The following IL1RAPL2 variants were observed in gnomAD, a reference collection of about 807,000 sequenced individuals.
IL1RAPL2 encodes interleukin 1 receptor accessory protein like 2.
IL1RAPL2 carries 3 observed loss-of-function variants against 44.1 expected under a neutral mutation model. The observed-to-expected ratio is 0.07, with a 90% CI of 0.03 to 0.18. The LOEUF (loss-of-function observed/expected upper bound fraction) is 0.18, where lower values mean the gene tolerates loss of function less well. Among genes scored for constraint, IL1RAPL2 ranks in the 10% least tolerant of loss-of-function variants. IL1RAPL2 has a pLI of 1.00. For synonymous variants in IL1RAPL2, 181 were observed against 178.8 expected, an observed-to-expected ratio of 1.01 and a Z score of -0.10; for missense variants, 391 against 496.4, an observed-to-expected ratio of 0.79 and a Z score of 2.02.
chrX:105,321,123 A>T (rs60226923), intron 5 of IL1RAPL2, among the ~76,000 whole-genome samples: 6,824 of 111,267 alleles, frequency 0.061, 507 homozygotes, highest in African/African-American at 0.21. Flanking sequence ...GAGTGTTGGA[A>T]CACTGAGATG....
chrX:104,977,540 C>T (rs192703821), intron 2 of IL1RAPL2, among the ~76,000 whole-genome samples: 96 of 111,980 alleles, frequency 8.6e-4, no homozygotes, highest in African/African-American at 3.0e-3. Context: ...CTTACCTCTC[C>T]ACCAATTTCC....
intron 2 of IL1RAPL2, among the ~76,000 whole-genome samples, chrX:104,939,849 G>A (rs12556235): frequency 0.065 from 7,268 of 111,436 alleles, 208 homozygotes; most frequent in South Asian, 0.11. Flanking sequence ...AACCTACACC[G>A]TATATTATCT....
At chrX:105,699,472 G>T (rs999051983) in intron 6 of IL1RAPL2, among the ~76,000 whole-genome samples, 5 of 111,823 alleles carry the variant, frequency 4.5e-5, no homozygotes, top group African/African-American at 1.6e-4. Context: ...TTATAACAAG[G>T]TATATAGATA....
chrX:105,272,502 C>T (rs971595762), intron 5 of IL1RAPL2, among the ~76,000 whole-genome samples: 2 of 111,948 alleles, frequency 1.8e-5, no homozygotes, highest in African/African-American at 6.5e-5. Flanking sequence ...CAAACAACAC[C>T]TCTCCTCCTG....
Position 105,639,484 on chromosome X carries a change from G to T in IL1RAPL2, c.773-77883G>T, listed in dbSNP as rs73529078. On this transcript the variant is annotated intron_variant, in intron 6 of 10. Transcript: ENST00000372582. Reference sequence around the variant, plus strand: ...GATACTGAAAAGAAATTCTAAAAGGGTAAGTAATAGATGATCTAGTACACA... The same window carrying T: ...GATACTGAAAAGAAATTCTAAAAGGTTAAGTAATAGATGATCTAGTACACA... Among the ~76,000 whole-genome samples, 665 of 111,095 alleles carry T rather than the reference G, an allele frequency of 6.0e-3. 8 individuals are homozygous for T. The highest frequency in any genetic ancestry group is 0.021 in the African/African-American group (638 of 30,608).
intron 9 of IL1RAPL2, 139 bp downstream of exon 9, chrX:105,749,242 G>C (rs1252491068): frequency 4.2e-6 from 2 of 479,671 alleles, no homozygotes; most frequent in Admixed American, 8.9e-5. Flanking sequence ...CCTTTAAATA[G>C]TTTAGAAGAC....
At chrX:105,011,447 A>C (rs1046289458) in intron 2 of IL1RAPL2, among the ~76,000 whole-genome samples, 1 of 111,278 alleles carries the variant, frequency 9.0e-6, no homozygotes, top group Non-Finnish European at 1.9e-5. Flanking sequence ...AAATTTGCCA[A>C]GTTTTTCAAC....
At chrX:105,037,886 C>A (rs1465385566) in intron 2 of IL1RAPL2, among the ~76,000 whole-genome samples, 4 of 111,600 alleles carry the variant, frequency 3.6e-5, no homozygotes, top group Non-Finnish European at 3.8e-5. Context: ...CTCTAACTGA[C>A]TTTTGAACAC....
rs771292985 is a variant in IL1RAPL2 at position 105,427,931 on chromosome X, G to A, written c.698-56382G>A. Among the ~76,000 whole-genome samples the A allele has an allele frequency of 9.4e-4, 105 of 111,296 alleles. 1 individual carries two copies. Among genetic ancestry groups the A allele is most frequent in the African/African-American group, 1.4e-3 (43 of 30,766 alleles). On this transcript the variant is annotated intron_variant, in intron 5 of 10. Transcript: ENST00000372582. The stretch of plus-strand genomic sequence containing the variant: ...AGATGTTGGAGGTTTGAAATATTCC[G>A]AAAAGGATTCTAATTTAAAATATTG...
chrX:105,197,774 T>A (rs2033683982), intron 3 of IL1RAPL2, among the ~76,000 whole-genome samples: 1 of 111,404 alleles, frequency 9.0e-6, no homozygotes, highest in African/African-American at 3.3e-5. Flanking sequence ...TTTTTACTTT[T>A]ATTTTAGGCT....
At chrX:105,319,393 C>T in intron 5 of IL1RAPL2, among the ~76,000 whole-genome samples, 1 of 111,597 alleles carries the variant, frequency 9.0e-6, no homozygotes, top group Middle Eastern at 4.6e-3. Context: ...CCAAATTGTG[C>T]CTGGTATGAA....
chrX:105,735,849 G>A (rs766898702), intron 7 of IL1RAPL2, among the ~76,000 whole-genome samples: 1 of 111,252 alleles, frequency 9.0e-6, no homozygotes, highest in Non-Finnish European at 1.9e-5. Context: ...ATCATTTATG[G>A]ATTGTTATAC....
chrX:104,650,632 C>T (rs1382761851), intron 1 of IL1RAPL2, among the ~76,000 whole-genome samples: 1 of 111,289 alleles, frequency 9.0e-6, no homozygotes, highest in Non-Finnish European at 1.9e-5. Context: ...ACCTACTGAA[C>T]ATGCTAAAAA....
chrX:104,948,024 C>T (rs1232360201), intron 2 of IL1RAPL2, among the ~76,000 whole-genome samples: 2 of 110,959 alleles, frequency 1.8e-5, no homozygotes, highest in East Asian at 2.8e-4. Flanking sequence ...GCAATTTTCA[C>T]AATATTGATT....
chrX:105,278,164 G>T (rs1197721563), intron 5 of IL1RAPL2, among the ~76,000 whole-genome samples: 2 of 111,841 alleles, frequency 1.8e-5, no homozygotes, highest in Non-Finnish European at 3.8e-5. Flanking sequence ...GGCTTATTTT[G>T]CAAGCAACTG....
At chrX:105,026,129 C>T (rs1427894938) in intron 2 of IL1RAPL2, among the ~76,000 whole-genome samples, 2 of 110,649 alleles carry the variant, frequency 1.8e-5, no homozygotes, top group African/African-American at 3.3e-5. Context: ...AACTGAAGCC[C>T]GATAGTCAAT....
At chrX:104,987,288 A>G (rs1451139726) in intron 2 of IL1RAPL2, among the ~76,000 whole-genome samples, 1 of 111,309 alleles carries the variant, frequency 9.0e-6, no homozygotes, top group African/African-American at 3.3e-5. Context: ...AAGGGAGAGC[A>G]AAGCTTTATT....
intron 1 of IL1RAPL2, chrX:104,647,703 C>A (rs749407879): frequency 3.7e-6 from 2 of 547,704 alleles, no homozygotes; most frequent in African/African-American, 4.5e-5. Flanking sequence ...AGCTGGCTAG[C>A]GACAGGCCAG....
chrX:105,202,577 A>T (rs1236993564), intron 3 of IL1RAPL2, among the ~76,000 whole-genome samples: 5 of 111,419 alleles, frequency 4.5e-5, no homozygotes, highest in Non-Finnish European at 9.4e-5. Context: ...TTTCTAGCTC[A>T]TTTTTTTCTA....
Sources: allele counts gnomAD v4.1 joint callset (sites outside exome capture counted in the v4.1 genomes callset), GRCh38; gene constraint gnomAD v4.1.1; transcripts MANE v1.5; gene names NCBI Gene and HGNC (gene_info 2026-07-23, HGNC 2026-07-21).